Variants in GRHL1 observed in about 807,000 individuals in gnomAD.
GRHL1 encodes grainyhead-like protein 1 homolog.
GRHL1 carries 38 observed loss-of-function variants against 75.7 expected under a neutral mutation model. That is an observed-to-expected ratio of 0.50 (90% confidence interval 0.39 to 0.66). The LOEUF (loss-of-function observed/expected upper bound fraction) is 0.66. GRHL1 is among the 30% of genes least tolerant of loss of function. The pLI is 0.00. For missense variants in GRHL1, 589 were observed against 767.5 expected (o/e 0.77, Z 2.75); for synonymous variants, 266 against 279.4 (o/e 0.95, Z 0.48).
intron 8 of GRHL1, 134 bp downstream of exon 8, chr2:9,965,515 T>C (rs11884250): frequency 0.14 from 82,170 of 601,156 alleles, 7,468 homozygotes; most frequent in African/African-American, 0.35. Context: ...ACTATCCTCT[T>C]CCCTTTTTAT....
At chr2:9,958,884 G>C in intron 3 of GRHL1, 28 bp downstream of exon 3, 2 of 1,609,828 alleles carry the variant, frequency 1.2e-6, no homozygotes, top group Non-Finnish European at 1.7e-6. Flanking sequence ...ACAGCATAAA[G>C]AGTGCAGGGG....
intron 2 of GRHL1, among the ~76,000 whole-genome samples, chr2:9,955,329 A>C (rs756526461): frequency 1.3e-5 from 2 of 152,202 alleles, no homozygotes; most frequent in Non-Finnish European, 2.9e-5. Flanking sequence ...CTGTGGCTCT[A>C]TCCAGAAGGT....
chr2:9,986,071 G>A, intron 8 of GRHL1, 53 bp from the exon 9 acceptor site: 1 of 1,355,010 alleles, frequency 7.4e-7, no homozygotes, highest in Non-Finnish European at 1.0e-6. Context: ...CATGAGCTGT[G>A]CTAGGTTTGA....
intron 8 of GRHL1, 87 bp downstream of exon 8, chr2:9,965,468 T>TC (rs1028725200): frequency 5.3e-5 from 39 of 738,300 alleles, no homozygotes; most frequent in Non-Finnish European, 8.4e-5. Flanking sequence ...TTTTTTTTTT[T>TC]CACAGTTTTA....
intron 14 of GRHL1, among the ~76,000 whole-genome samples, chr2:9,996,633 A>G (rs1173241694): frequency 2.0e-5 from 3 of 152,340 alleles, no homozygotes; most frequent in Non-Finnish European, 2.9e-5. Flanking sequence ...GTGATGGCCT[A>G]TGAAATGTTT....
intron 1 of GRHL1, 149 bp from the exon 2 acceptor site, chr2:9,954,766 G>A: frequency 1.4e-6 from 1 of 724,708 alleles, no homozygotes. Flanking sequence ...CACTTACGTG[G>A]TTTGTCTTCT....
chr2:9,990,625 C>A lies in GRHL1; in HGVS notation c.1270-71C>A. ...GAGAAAGGCTTCTTCTTCCATTGGTCAGGATAAGAGTTAAATATTTTAAAG... is the reference window on the plus strand; with the variant it reads ...GAGAAAGGCTTCTTCTTCCATTGGTAAGGATAAGAGTTAAATATTTTAAAG... On this transcript the variant is annotated intron_variant, in intron 9 of 15. Coordinates refer to ENST00000324907, the MANE Select transcript of GRHL1 (RefSeq NM_198182.3). This position sits in a 1 kb window ranked among gnomAD's most constrained non-coding sequence, Gnocchi z 4.2. 2 of 888,878 alleles carry A rather than the reference C, an allele frequency of 2.3e-6. No homozygotes were observed. Among genetic ancestry groups the A allele is most frequent in the South Asian group, 3.7e-5 (2 of 53,642 alleles). The allele number at this position is 888,878 out of a possible 1,614,324, so 55.1% of individuals were successfully genotyped here.
At chr2:9,996,433 C>G in intron 14 of GRHL1, 32 bp downstream of exon 14, 1 of 1,325,454 alleles carries the variant, frequency 7.5e-7, no homozygotes, top group Non-Finnish European at 1.1e-6. Flanking sequence ...ATCCCCTGTA[C>G]AAAATGAAAG....
Position 9,958,840 on chromosome 2 carries a change from C to A in GRHL1, c.262C>A (p.Pro88Thr), listed in dbSNP as rs773353555. The part of the protein sequence containing the change: ...TAKPEVEHPE[P>T]DHSKRNSIPI... Reference sequence around the variant, plus strand: ...AAAGCCAGAGGTGGAGCACCCTGAGCCAGATCACAGCAAAAGGTAACATTC... The same window carrying A: ...AAAGCCAGAGGTGGAGCACCCTGAGACAGATCACAGCAAAAGGTAACATTC... Residue 88 changes from proline (P) to threonine (T), a missense_variant, in exon 3 of 16, where the codon CCA becomes ACA. Physicochemically the swap from Pro to Thr is conservative, Grantham distance 38. Coordinates refer to ENST00000324907, the MANE Select transcript of GRHL1 (RefSeq NM_198182.3). 2.5e-6 allele frequency: 4 copies of A among 1,613,328 alleles called. No homozygotes were observed. The highest frequency in any genetic ancestry group is 3.4e-6 in the Non-Finnish European group (4 of 1,179,514).
intron 8 of GRHL1, among the ~76,000 whole-genome samples, chr2:9,982,217 T>C (rs1428801919): frequency 6.6e-6 from 1 of 152,248 alleles, no homozygotes; most frequent in Non-Finnish European, 1.5e-5. Flanking sequence ...TATAAAAATA[T>C]CTTAACTCTT....
At chr2:9,954,528 A>G (rs1666927531) in intron 1 of GRHL1, among the ~76,000 whole-genome samples, 1 of 152,214 alleles carries the variant, frequency 6.6e-6, no homozygotes, top group South Asian at 2.1e-4. Context: ...GCTCTTCTCA[A>G]GAGGGGACAG....
intron 1 of GRHL1, among the ~76,000 whole-genome samples, chr2:9,952,140 G>A (rs916858715): frequency 6.6e-6 from 1 of 151,996 alleles, no homozygotes; most frequent in Admixed American, 6.6e-5. Flanking sequence ...CCCCTCGGGC[G>A]CGCACCTTGG....
At chr2:9,972,051 G>A (rs1667747968) in intron 8 of GRHL1, among the ~76,000 whole-genome samples, 1 of 152,198 alleles carries the variant, frequency 6.6e-6, no homozygotes, top group African/African-American at 2.4e-5. Context: ...AGGGCCAAGT[G>A]GAAGCTGTCT....
intron 8 of GRHL1, among the ~76,000 whole-genome samples, chr2:9,972,721 T>C (rs536933003): frequency 6.6e-6 from 1 of 152,178 alleles, no homozygotes; most frequent in Non-Finnish European, 1.5e-5. Context: ...CACACCTGCA[T>C]CCAGTTCTGC....
At chr2:9,976,595 G>T (rs1667956482) in intron 8 of GRHL1, among the ~76,000 whole-genome samples, 1 of 152,170 alleles carries the variant, frequency 6.6e-6, no homozygotes. Flanking sequence ...AGACTTTTTA[G>T]TCAGAAGCGT....
chr2:9,962,728 C>A (rs933599127), intron 5 of GRHL1, among the ~76,000 whole-genome samples, 197 bp downstream of exon 5: 3 of 151,968 alleles, frequency 2.0e-5, no homozygotes, highest in Admixed American at 6.5e-5. Context: ...TTTCAAGTTT[C>A]CTTAATTCTT....
chr2:9,951,743 A>AGCC lies in GRHL1; in HGVS notation c.-78_-76dup, dbSNP rs1482866201. 2.8e-5 allele frequency: 35 copies of AGCC among 1,233,096 alleles called. No individual in the cohort carries two copies. Among genetic ancestry groups the AGCC allele is most frequent in the African/African-American group, 4.8e-5 (3 of 62,340 alleles). 76.4% of individuals were successfully genotyped at this position (1,233,096 alleles called of 1,614,324 possible). ...GTCGGGGCCGCCGCTCCGGACCCGC[A>AGCC]GCCGCCGCCGCCGCCTCCTCCCCCC... On this transcript the variant is annotated 5_prime_UTR_variant, in exon 1 of 16. Coordinates refer to ENST00000324907, the MANE Select transcript of GRHL1 (RefSeq NM_198182.3). The surrounding 1 kb of genome is among the most constrained non-coding windows in gnomAD (Gnocchi z 4.2).
intron 9 of GRHL1, 128 bp downstream of exon 9, chr2:9,986,410 TTTTATTTA>T: frequency 2.2e-6 from 1 of 452,714 alleles, no homozygotes; most frequent in South Asian, 8.7e-5. Context: ...TTAAAATTAT[TTTTATTTA>T]TTTATTTATT....
At chr2:9,953,260 A>C (rs1052682310) in intron 1 of GRHL1, among the ~76,000 whole-genome samples, 3 of 152,224 alleles carry the variant, frequency 2.0e-5, no homozygotes. Flanking sequence ...AACTAGCATT[A>C]AGGGAATTGA....
Sources: allele counts gnomAD v4.1 joint callset (sites outside exome capture counted in the v4.1 genomes callset), GRCh38; gene constraint gnomAD v4.1.1; non-coding constraint Gnocchi (gnomAD v3.1); transcripts MANE v1.5; gene names NCBI Gene and HGNC (gene_info 2026-07-23, HGNC 2026-07-21).